Variants in EPHA6 observed in about 807,000 individuals in gnomAD.
EPHA6 encodes ephrin type-A receptor 6.
EPHA6 carries 50 observed loss-of-function variants against 112.0 expected under a neutral mutation model. The ratio of observed to expected loss-of-function variants is 0.45; its 90% CI spans 0.36 to 0.56. The LOEUF (loss-of-function observed/expected upper bound fraction) is 0.56, where lower values mean the gene tolerates loss of function less well. Among genes scored for constraint, EPHA6 ranks in the 20% least tolerant of loss-of-function variants. The pLI is 0.00. For missense variants in EPHA6, 1,280 were observed against 1,417.4 expected (o/e 0.90, Z 1.56); for synonymous variants, 529 against 490.7 (o/e 1.08, Z -1.03).
chr3:97,294,780 G>A (rs1056935565), intron 5 of EPHA6, among the ~76,000 whole-genome samples: 2 of 152,052 alleles, frequency 1.3e-5, no homozygotes, highest in Admixed American at 6.5e-5. Context: ...TTATTATCTG[G>A]TTGGTCTAGT....
intron 3 of EPHA6, among the ~76,000 whole-genome samples, chr3:97,122,232 A>G (rs1273076843): frequency 6.6e-6 from 1 of 152,076 alleles, no homozygotes; most frequent in Non-Finnish European, 1.5e-5. Flanking sequence ...CTCTCATTTG[A>G]GCTAATCTCA....
In EPHA6 at chr3:97,370,569, A is replaced by G. The variant is rs186131473; in HGVS notation, c.1607-34581A>G. On this transcript the variant is annotated intron_variant, in intron 5 of 17. Transcript: ENST00000389672. ...GACAATATTCATTAAATGTCAAATA[A>G]TAACAGTATTAGATTAAAAACTATT... Among the ~76,000 whole-genome samples the G allele has an allele frequency of 1.2e-4, 19 of 152,292 alleles. No homozygotes were observed. In the East Asian group the frequency reaches 3.7e-3, roughly 29 times the overall value.
At chr3:96,994,761 A>AGC (rs1559653866) in intron 3 of EPHA6, among the ~76,000 whole-genome samples, 1 of 137,086 alleles carries the variant, frequency 7.3e-6, no homozygotes, top group Non-Finnish European at 1.6e-5. Flanking sequence ...AGAGAGAGAG[A>AGC]GCTATATATA....
intron 3 of EPHA6, among the ~76,000 whole-genome samples, chr3:97,176,087 G>GT (rs1559775419): frequency 6.6e-6 from 1 of 151,776 alleles, no homozygotes; most frequent in Non-Finnish European, 1.5e-5. Context: ...TCAATACTCA[G>GT]TTTTTTGAGG....
chr3:97,042,133 A>G (rs2045338634), intron 3 of EPHA6, among the ~76,000 whole-genome samples: 2 of 152,140 alleles, frequency 1.3e-5, no homozygotes, highest in Non-Finnish European at 2.9e-5. Context: ...GTTGAATTGT[A>G]ATCCTCAGTG....
chr3:97,309,161 T>G (rs188132566), intron 5 of EPHA6, among the ~76,000 whole-genome samples: 1 of 151,678 alleles, frequency 6.6e-6, no homozygotes, highest in East Asian at 1.9e-4. Flanking sequence ...ACTTATAAAA[T>G]GTATTGTAAA....
intron 5 of EPHA6, among the ~76,000 whole-genome samples, chr3:97,331,023 G>T (rs1207772358): frequency 1.3e-5 from 2 of 152,088 alleles, no homozygotes; most frequent in Non-Finnish European, 2.9e-5. Context: ...AAATGTAAGA[G>T]AACAGAAATT....
At chr3:96,896,202 G>C (rs142868635) in intron 2 of EPHA6, among the ~76,000 whole-genome samples, 2 of 152,086 alleles carry the variant, frequency 1.3e-5, no homozygotes, top group South Asian at 4.1e-4. Context: ...TCATCAATGA[G>C]GTTTTCCTTT....
intron 3 of EPHA6, among the ~76,000 whole-genome samples, chr3:97,069,415 A>C (rs2046284732): frequency 6.6e-6 from 1 of 152,184 alleles, no homozygotes; most frequent in East Asian, 1.9e-4. Context: ...GGGTATCTGC[A>C]CATAAGTTGG....
intron 13 of EPHA6, among the ~76,000 whole-genome samples, chr3:97,620,191 G>A (rs1437112274): frequency 6.6e-6 from 1 of 151,972 alleles, no homozygotes; most frequent in Non-Finnish European, 1.5e-5. Flanking sequence ...TCAATAAAGG[G>A]TACTGGTATA....
intron 14 of EPHA6, among the ~76,000 whole-genome samples, chr3:97,650,989 G>A (rs1012427504): frequency 6.6e-6 from 1 of 151,922 alleles, no homozygotes; most frequent in African/African-American, 2.4e-5. Flanking sequence ...ACTTGCAAGT[G>A]GTTATTTTGT....
chr3:97,287,848 G>A (rs1440461164), intron 5 of EPHA6, among the ~76,000 whole-genome samples: 1 of 152,056 alleles, frequency 6.6e-6, no homozygotes, highest in Non-Finnish European at 1.5e-5. Context: ...ATGTTCATCA[G>A]GAATATTGGT....
chr3:96,826,399 A>G (rs1003462384), intron 1 of EPHA6, among the ~76,000 whole-genome samples: 1 of 152,028 alleles, frequency 6.6e-6, no homozygotes, highest in Non-Finnish European at 1.5e-5. Flanking sequence ...CACTCTAGAT[A>G]TGGCACTAGA....
chr3:96,861,012 G>A (rs1183610010), intron 1 of EPHA6, among the ~76,000 whole-genome samples: 1 of 151,918 alleles, frequency 6.6e-6, no homozygotes, highest in Non-Finnish European at 1.5e-5. Flanking sequence ...GAGCCCAGGA[G>A]GGAACCTGTA....
chr3:96,979,841 A>T (rs960888213), intron 2 of EPHA6, among the ~76,000 whole-genome samples: 1 of 152,172 alleles, frequency 6.6e-6, no homozygotes, highest in African/African-American at 2.4e-5. Flanking sequence ...TGGCTGCATA[A>T]ATATCTTCTT....
At chr3:97,081,906 A>G (rs1020265872) in intron 3 of EPHA6, among the ~76,000 whole-genome samples, 7 of 151,592 alleles carry the variant, frequency 4.6e-5, no homozygotes, top group Non-Finnish European at 7.4e-5. Context: ...ACTTAAAATT[A>G]TTTTCAACTT....
intron 11 of EPHA6, among the ~76,000 whole-genome samples, chr3:97,582,968 C>T (rs930252959): frequency 6.6e-6 from 1 of 151,396 alleles, no homozygotes. Flanking sequence ...GCAAGACTCA[C>T]ACTAGCAATG....
intron 3 of EPHA6, among the ~76,000 whole-genome samples, chr3:97,077,697 T>C (rs2046577016): frequency 6.6e-6 from 1 of 152,158 alleles, no homozygotes; most frequent in Non-Finnish European, 1.5e-5. Context: ...TCCAGCTTCA[T>C]CCATGTCCCT....
chr3:97,261,256 C>G (rs780327201), intron 5 of EPHA6, among the ~76,000 whole-genome samples: 16 of 152,094 alleles, frequency 1.1e-4, no homozygotes, highest in Non-Finnish European at 2.2e-4. Context: ...AATAGCTTTT[C>G]TAGTCTAAGA....
Sources: gnomAD v4.1 joint callset for allele counts (sites outside exome capture counted in the v4.1 genomes callset) on GRCh38, gnomAD v4.1.1 for gene constraint, MANE v1.5 for transcripts, NCBI Gene and HGNC (gene_info 2026-07-23, HGNC 2026-07-21) for gene names.